The following TBC1D26 variants were observed in gnomAD, a reference collection of about 807,000 sequenced individuals.
TBC1D26 encodes TBC1 domain family member 26.
TBC1D26 carries 19 observed loss-of-function variants against 42.5 expected under a neutral mutation model. The ratio of observed to expected loss-of-function variants is 0.45; its 90% CI spans 0.31 to 0.66. The LOEUF (loss-of-function observed/expected upper bound fraction) is 0.66, where lower values mean the gene tolerates loss of function less well. Among genes scored for constraint, TBC1D26 ranks in the 30% least tolerant of loss-of-function variants. The pLI, the probability that TBC1D26 is intolerant of heterozygous loss-of-function variation, is 0.06. For missense variants in TBC1D26, 228 were observed against 332.6 expected, an observed-to-expected ratio of 0.69 and a Z score of 2.45; for synonymous variants, 97 against 123.5, an observed-to-expected ratio of 0.79 and a Z score of 1.42.
At position 15,735,049 on chromosome 17, in the gene TBC1D26, G is replaced by A. The variant is rs138542671; in HGVS notation, c.-23G>A. 2.6e-3 allele frequency: 1,186 copies of A among 457,756 alleles called. 13 individuals are homozygous for A. Among genetic ancestry groups the A allele is most frequent in the African/African-American group, 0.021 (1,083 of 51,448 alleles). 28.4% of individuals were successfully genotyped at this position (457,756 alleles called of 1,614,324 possible). ...GGGACTTCACCCTCAGCAAGTGGACGCCGTTTGTCCTGCCAGGGCAGGTGT... is the reference window on the plus strand; with the variant it reads ...GGGACTTCACCCTCAGCAAGTGGACACCGTTTGTCCTGCCAGGGCAGGTGT... On this transcript the variant is annotated 5_prime_UTR_variant, in exon 2 of 15. Coordinates refer to ENST00000437605, the MANE Select transcript of TBC1D26 (RefSeq NM_001388465.1).
chr17:15,738,416 T>C lies in TBC1D26; in HGVS notation c.387+29T>C, dbSNP rs755156624. On this transcript the variant is annotated intron_variant, in intron 7 of 14. Transcript: ENST00000437605. ...AGTCCCTCCCACACTCAGCTAGGAG[T>C]ACAAACAAGCTAGACTGTATCAGGA... is the stretch of plus-strand genomic sequence containing the variant. 4 of 1,609,352 alleles carry C rather than the reference T, an allele frequency of 2.5e-6. No homozygotes were observed. In the East Asian group the frequency reaches 6.8e-5, roughly 27 times the overall value.
rs752310188 is a variant in TBC1D26 at position 15,740,167 on chromosome 17, C to T, written c.546+19C>T. The T allele has an allele frequency of 7.4e-6, 12 of 1,614,024 alleles. No homozygotes were observed. The highest frequency in any genetic ancestry group is 5.0e-5 in the Admixed American group (3 of 59,996). On this transcript the variant is annotated intron_variant, in intron 9 of 14. Coordinates refer to ENST00000437605, the MANE Select transcript of TBC1D26 (RefSeq NM_001388465.1). ...TAACCCTGTGAGTATTCCCGGGCAG[C>T]GATATTCCTGGGACATGTGCCCATA...
rs1567725299 is a variant in TBC1D26 at position 15,742,423 on chromosome 17, G to A, written c.751G>A (p.Gly251Arg). ...PKIMRHLGKE[G>R]LCIEGSMLTR... ...GTGCTCCTCCCTTCAGGGCAAGGAA[G>A]GGCTGTGCATTGAGGGTTCCATGCT... Residue 251 changes from glycine (G) to arginine (R), a missense_variant, in exon 12 of 15, where the codon GGG (glycine) becomes AGG (arginine). Around this residue, in one of 5 missense-constraint regions of TBC1D26, gnomAD observed 130 missense variants for 168.5 expected, o/e 0.77. Coordinates refer to ENST00000437605, the MANE Select transcript of TBC1D26 (RefSeq NM_001388465.1). 9.4e-6 allele frequency: 3 copies of A among 317,710 alleles called. No individual in the cohort carries two copies. Among genetic ancestry groups the A allele is most frequent in the Non-Finnish European group, 1.8e-5 (3 of 166,226 alleles). The allele number at this position is 317,710 out of a possible 1,614,324, so 19.7% of individuals were successfully genotyped here.
chr17:15,734,720 C>T (rs918769026), intron 1 of TBC1D26: 2 of 164,468 alleles, frequency 1.2e-5, no homozygotes, highest in Non-Finnish European at 2.7e-5. Flanking sequence ...AAAGTCCCCT[C>T]CTGTATTGAC....
rs1967799527 is a variant in TBC1D26 at position 15,741,988 on chromosome 17, C to T, written c.693C>T (p.His231=). Reference sequence around the variant, plus strand: ...CCTGGCTCGAGAGGCTCCTATCGCACCAGGAGCAGGTGCTGCACAAGTCCT... The same window carrying T: ...CCTGGCTCGAGAGGCTCCTATCGCATCAGGAGCAGGTGCTGCACAAGTCCT... ...NTAWLERLLS[H]QEQVLHKSFP... is the part of the protein sequence containing the mutation. The change falls in exon 11 of 15, where the codon CAC becomes CAT. Residue 231 remains histidine, a synonymous_variant. Transcript: ENST00000437605. 1 of 1,613,954 alleles carries T rather than the reference C, an allele frequency of 6.2e-7. No homozygotes were observed. The highest frequency in any genetic ancestry group is 1.3e-5 in the African/African-American group (1 of 74,896).
At chr17:15,742,636 C>T (rs998529926) in intron 12 of TBC1D26, among the ~76,000 whole-genome samples, 157 bp downstream of exon 12, 1 of 152,222 alleles carries the variant, frequency 6.6e-6, no homozygotes, top group African/African-American at 2.4e-5. Flanking sequence ...GGCTCAGGCC[C>T]AGCCTCATGG....
Position 15,738,753 on chromosome 17 carries a change from A to G in TBC1D26, c.420A>G (p.Arg140=), listed in dbSNP as rs773569068. The change falls in exon 8 of 15, where the codon AGA becomes AGG. Residue 140 remains arginine (R), a synonymous_variant. Coordinates refer to ENST00000437605, the MANE Select transcript of TBC1D26 (RefSeq NM_001388465.1). ...VMKEKGKRSS[R]IIHCIQLDVS... ...AGGAGAAGGGCAAGAGGTCCTCCAG[A>G]ATCATCCACTGCATCCAGCTAGATG... is the stretch of plus-strand genomic sequence containing the variant. 57 of 1,613,788 alleles carry G rather than the reference A, an allele frequency of 3.5e-5. No homozygotes were observed. Among genetic ancestry groups the G allele is most frequent in the Middle Eastern group, 1.6e-4 (1 of 6,078 alleles).
chr17:15,742,352 T>G, intron 11 of TBC1D26, 62 bp from the exon 12 acceptor site: 1 of 413,666 alleles, frequency 2.4e-6, no homozygotes. Context: ...CAGAGGGGCC[T>G]GGAAGTGGGA....
chr17:15,741,014 G>A (rs1967761027), intron 9 of TBC1D26, 108 bp from the exon 10 acceptor site: 1 of 1,447,722 alleles, frequency 6.9e-7, no homozygotes, highest in East Asian at 2.3e-5. Context: ...CCTGGGGCCT[G>A]AGGCAGGTGT....
intron 5 of TBC1D26, 30 bp from the exon 6 acceptor site, chr17:15,737,967 C>G (rs373614352): frequency 1.9e-6 from 3 of 1,613,868 alleles, no homozygotes; most frequent in Non-Finnish European, 2.5e-6. Context: ...CCTGGCAGCT[C>G]CGCTAACTCC....
intron 14 of TBC1D26, 65 bp downstream of exon 14, chr17:15,743,581 G>A (rs1967849399): frequency 3.1e-6 from 2 of 640,396 alleles, no homozygotes; most frequent in South Asian, 6.7e-5. Context: ...GGGGAGTGCC[G>A]TGGCCCCGCC....
chr17:15,737,813 AT>A, intron 5 of TBC1D26, 183 bp from the exon 6 acceptor site: 1 of 833,596 alleles, frequency 1.2e-6, no homozygotes, highest in South Asian at 1.8e-5. Flanking sequence ...ATGGCATGTC[AT>A]GGCATCACCA....
Position 15,740,151 on chromosome 17 carries a change from G to A in TBC1D26, c.546+3G>A, listed in dbSNP as rs537622291. 3.1e-6 allele frequency: 5 copies of A among 1,614,154 alleles called. No individual in the cohort carries two copies. The highest frequency in any genetic ancestry group is 1.3e-5 in the African/African-American group (1 of 75,038). On this transcript the variant is annotated splice_donor_region_variant and intron_variant, in intron 9 of 14. Coordinates refer to ENST00000437605, the MANE Select transcript of TBC1D26 (RefSeq NM_001388465.1). ...TGGCCTATTCTGCATATAACCCTGT[G>A]AGTATTCCCGGGCAGCGATATTCCT... is the stretch of plus-strand genomic sequence containing the variant.
intron 9 of TBC1D26, chr17:15,740,414 C>A: frequency 7.1e-7 from 1 of 1,404,136 alleles, no homozygotes; most frequent in East Asian, 2.6e-5. Context: ...GGGTCCCACA[C>A]AGGATGGTCC....
At chr17:15,732,443 G>A (rs907986985) in intron 1 of TBC1D26, 59 bp downstream of exon 1, 2 of 147,466 alleles carry the variant, frequency 1.4e-5, no homozygotes, top group African/African-American at 2.5e-5. Flanking sequence ...TTACCTGGTG[G>A]GCAGGGCTAG....
rs1317502996 is a variant in TBC1D26, at chr17:15,735,353, A to G, written c.5A>G (p.Glu2Gly). 6.2e-7 allele frequency: 1 copy of G among 1,613,844 alleles called. No individual in the cohort carries two copies. Among genetic ancestry groups the G allele is most frequent in the Admixed American group, 1.7e-5 (1 of 60,004 alleles). M[E>G]MDGDPYNLPA... ...GGGATGACTTTGTCTTGCAGGATGG[A>G]GATGGATGGGGACCCGTATAACCTG... Residue 2 changes from glutamate to glycine, a missense_variant, in exon 3 of 15, where the codon GAG becomes GGG. Coordinates refer to ENST00000437605, the MANE Select transcript of TBC1D26 (RefSeq NM_001388465.1).
At chr17:15,735,448 G>A in intron 3 of TBC1D26, 25 bp downstream of exon 3, 2 of 1,604,936 alleles carry the variant, frequency 1.2e-6, no homozygotes, top group Non-Finnish European at 1.7e-6. Context: ...GCTCCCTCAA[G>A]GGAAGCAGGG....
intron 8 of TBC1D26, among the ~76,000 whole-genome samples, chr17:15,739,451 G>A (rs1313833763): frequency 6.6e-6 from 1 of 152,288 alleles, no homozygotes; most frequent in East Asian, 1.9e-4. Flanking sequence ...TCTTCAACAT[G>A]GGAACTAGGG....
intron 8 of TBC1D26, among the ~76,000 whole-genome samples, 200 bp from the exon 9 acceptor site, chr17:15,739,900 C>T (rs574645860): frequency 1.3e-5 from 2 of 152,336 alleles, no homozygotes; most frequent in African/African-American, 4.8e-5. Context: ...AACTGTACAC[C>T]TACGACATTG....
Sources: gnomAD v4.1 joint callset for allele counts (sites outside exome capture counted in the v4.1 genomes callset) on GRCh38, gnomAD v4.1.1 for gene constraint, gnomAD v4.1.1 regional missense constraint, MANE v1.5 for transcripts, NCBI Gene and HGNC (gene_info 2026-07-23, HGNC 2026-07-21) for gene names.